RASSF9: variants seen among roughly 807,000 people sequenced by gnomAD.
The protein encoded by RASSF9 is Ras association domain family member 9.
Under a neutral mutation model 21.4 loss-of-function variants are expected in RASSF9, and 18 were observed. The observed-to-expected ratio is 0.84, with a 90% confidence interval of 0.58 to 1.25. The LOEUF (loss-of-function observed/expected upper bound fraction) is 1.25. Among genes scored for constraint, RASSF9 ranks in the 50% most tolerant of loss-of-function variants. The pLI is 0.00. For synonymous variants in RASSF9, 183 were observed against 179.1 expected (o/e 1.02, Z -0.18); for missense variants, 480 against 503.2 (o/e 0.95, Z 0.44).
chr12:85,814,322 G>T (rs537891739), intron 1 of RASSF9, among the ~76,000 whole-genome samples: 1 of 152,106 alleles, frequency 6.6e-6, no homozygotes, highest in South Asian at 2.1e-4. Flanking sequence ...TGGCACTGTT[G>T]ACACACCCTG....
chr12:85,828,789 C>T (rs1224386427), intron 1 of RASSF9, among the ~76,000 whole-genome samples: 1 of 152,096 alleles, frequency 6.6e-6, no homozygotes, highest in Non-Finnish European at 1.5e-5. Context: ...TAGTTTCCTG[C>T]ACTATTAACA....
At chr12:85,818,114 TAGTA>T (rs1235926423) in intron 1 of RASSF9, among the ~76,000 whole-genome samples, 1 of 152,184 alleles carries the variant, frequency 6.6e-6, no homozygotes, top group Non-Finnish European at 1.5e-5. Flanking sequence ...ACTTAAAAAA[TAGTA>T]AGATAACTAA....
chr12:85,814,913 A>C (rs1880027359), intron 1 of RASSF9, among the ~76,000 whole-genome samples: 1 of 152,076 alleles, frequency 6.6e-6, no homozygotes, highest in South Asian at 2.1e-4. Context: ...ATGACATGAC[A>C]TACTCAGAAT....
chr12:85,801,628 C>G lies in RASSF9; in HGVS notation c.*3074G>C, dbSNP rs547726772. 6.6e-6 allele frequency: 1 copy of G among 152,318 alleles called. No homozygotes were observed. The highest frequency in any genetic ancestry group is 1.9e-4 in the East Asian group (1 of 5,170). 9.4% of individuals were successfully genotyped at this position (152,318 alleles called of 1,614,324 possible). ...GACATCGAGACCATCCTGGCTAACA[C>G]GGTGAAACCCCGTCTCTACTAAAAA... is the stretch of plus-strand genomic sequence containing the variant. On this transcript the variant is annotated 3_prime_UTR_variant, in exon 2 of 2. Coordinates refer to ENST00000361228, the MANE Select transcript of RASSF9 (RefSeq NM_005447.4).
In RASSF9 at chr12:85,800,830, T is replaced by A. The variant is rs2136546150; in HGVS notation, c.*3872A>T. The A allele has an allele frequency of 6.6e-6, 1 of 151,998 alleles. No homozygotes were observed. Among genetic ancestry groups the A allele is most frequent in the East Asian group, 1.9e-4 (1 of 5,174 alleles). The allele number at this position is 151,998 out of a possible 1,614,324, so 9.4% of individuals were successfully genotyped here. Reference sequence around the variant, plus strand: ...GTATGAAAAGAAATAGCCTAGTATTTAAAAACTATATATCAGGATAAAATG... The same window carrying A: ...GTATGAAAAGAAATAGCCTAGTATTAAAAAACTATATATCAGGATAAAATG... On this transcript the variant is annotated 3_prime_UTR_variant, in exon 2 of 2. Coordinates refer to ENST00000361228, the MANE Select transcript of RASSF9 (RefSeq NM_005447.4).
At position 85,817,831 on chromosome 12, in the gene RASSF9, A is replaced by T. The variant is rs577107902; in HGVS notation, c.48-11869T>A. Among the ~76,000 whole-genome samples, 13 of 152,296 alleles carry T rather than the reference A, an allele frequency of 8.5e-5. No homozygotes were observed. The South Asian group carries it at 1.9e-3, about 22-fold the overall frequency. On this transcript the variant is annotated intron_variant, in intron 1 of 1. Transcript: ENST00000361228. ...CAAGACCACACTAAGCATTACTAGA[A>T]ATCATAAGATATGCTCTGTACAAAT...
intron 1 of RASSF9, among the ~76,000 whole-genome samples, chr12:85,814,347 C>T (rs1356869312): frequency 6.6e-6 from 1 of 151,934 alleles, no homozygotes; most frequent in African/African-American, 2.4e-5. Context: ...AGATTTAAAA[C>T]CAAACAGTAT....
At position 85,836,259 on chromosome 12, in the gene RASSF9, G is replaced by A; in HGVS notation, c.-58C>T. 4.2e-6 allele frequency: 5 copies of A among 1,189,644 alleles called. No homozygotes were observed. The highest frequency in any genetic ancestry group is 2.0e-5 in the Admixed American group (1 of 49,236). The allele number at this position is 1,189,644 out of a possible 1,614,324, so 73.7% of individuals were successfully genotyped here. A position where few individuals can be genotyped will look rare whatever the true frequency, so the allele number is the denominator to read the frequency against. On this transcript the variant is annotated 5_prime_UTR_variant, in exon 1 of 2. Coordinates refer to ENST00000361228, the MANE Select transcript of RASSF9 (RefSeq NM_005447.4). The stretch of plus-strand genomic sequence containing the variant: ...TTAAAGTGATCTGAGGGTGGGGGTG[G>A]GGGTGTCTGGATTTCCAGGGTGAAG...
chr12:85,817,102 A>G (rs759624272), intron 1 of RASSF9, among the ~76,000 whole-genome samples: 1 of 152,160 alleles, frequency 6.6e-6, no homozygotes, highest in Non-Finnish European at 1.5e-5. Context: ...GAAAGCATAT[A>G]ATACATTAAA....
rs1405812209 is a variant in RASSF9 at position 85,801,739 on chromosome 12, C to G, written c.*2963G>C. On this transcript the variant is annotated 3_prime_UTR_variant, in exon 2 of 2. Coordinates refer to ENST00000361228, the MANE Select transcript of RASSF9 (RefSeq NM_005447.4). ...CTGAGGCAGGAAAATGGCGTGAAGC[C>G]GGGAGGCGGAGCTTGCAGTGAGCCA... 5 of 152,162 alleles carry G rather than the reference C, an allele frequency of 3.3e-5. No individual in the cohort carries two copies. The highest frequency in any genetic ancestry group is 2.0e-4 in the Admixed American group (3 of 15,272). The allele number at this position is 152,162 out of a possible 1,614,324, so 9.4% of individuals were successfully genotyped here.
intron 1 of RASSF9, among the ~76,000 whole-genome samples, chr12:85,814,600 C>A (rs748414187): frequency 6.6e-6 from 1 of 151,888 alleles, no homozygotes; most frequent in African/African-American, 2.4e-5. Context: ...ACCCACCAAT[C>A]TCAAGTAGTC....
chr12:85,829,326 G>T (rs1225041920), intron 1 of RASSF9, among the ~76,000 whole-genome samples: 1 of 152,080 alleles, frequency 6.6e-6, no homozygotes, highest in East Asian at 1.9e-4. Context: ...TCATAAAATG[G>T]TAGAGTTACT....
intron 1 of RASSF9, among the ~76,000 whole-genome samples, chr12:85,824,950 CCTT>C (rs1880297941): frequency 6.6e-6 from 1 of 152,138 alleles, no homozygotes; most frequent in Admixed American, 6.6e-5. Flanking sequence ...AGTTCTCTGA[CCTT>C]CTCTGAATAA....
intron 1 of RASSF9, among the ~76,000 whole-genome samples, chr12:85,813,231 A>T (rs1263560199): frequency 6.6e-6 from 1 of 151,890 alleles, no homozygotes; most frequent in African/African-American, 2.4e-5. Flanking sequence ...ATTCATTCTG[A>T]AATATTAGTG....
chr12:85,805,779 G>A lies in RASSF9; in HGVS notation c.231C>T (p.Tyr77=), dbSNP rs1473804465. The change falls in exon 2 of 2, where the codon TAC becomes TAT. Residue 77 remains tyrosine (Y), a synonymous_variant. Transcript: ENST00000361228. The part of the protein sequence containing the change: ...KRFLLGKPSD[Y]CIIEKWRGSE... Reference sequence around the variant, plus strand: ...AGCCTCTCCACTTCTCTATGATGCAGTAATCACTGGGCTTCCCCAGAAGAA... The same window carrying A: ...AGCCTCTCCACTTCTCTATGATGCAATAATCACTGGGCTTCCCCAGAAGAA... 6.2e-7 allele frequency: 1 copy of A among 1,613,864 alleles called. No individual in the cohort carries two copies. Among genetic ancestry groups the A allele is most frequent in the Non-Finnish European group, 8.5e-7 (1 of 1,179,886 alleles).
chr12:85,811,748 G>A (rs1274093115), intron 1 of RASSF9, among the ~76,000 whole-genome samples: 4 of 151,146 alleles, frequency 2.6e-5, no homozygotes, highest in Non-Finnish European at 5.9e-5. Context: ...TAAATTATAT[G>A]GTCAGAAAGA....
chr12:85,815,333 T>C (rs1007144214), intron 1 of RASSF9, among the ~76,000 whole-genome samples: 15 of 152,156 alleles, frequency 9.9e-5, no homozygotes, highest in African/African-American at 3.6e-4. Context: ...GAATCTAATA[T>C]GGTCACAAAG....
At chr12:85,823,948 G>T (rs1299267058) in intron 1 of RASSF9, among the ~76,000 whole-genome samples, 1 of 152,132 alleles carries the variant, frequency 6.6e-6, no homozygotes, top group African/African-American at 2.4e-5. Context: ...TGATACAATT[G>T]GCATCCCCTA....
chr12:85,823,729 CA>C (rs1880267695), intron 1 of RASSF9, among the ~76,000 whole-genome samples: 3 of 152,224 alleles, frequency 2.0e-5, no homozygotes, highest in African/African-American at 7.2e-5. Flanking sequence ...AGCCTGAGTT[CA>C]AAGATTACAT....
Sources: allele counts gnomAD v4.1 joint callset (sites outside exome capture counted in the v4.1 genomes callset), GRCh38; gene constraint gnomAD v4.1.1; transcripts MANE v1.5; gene names NCBI Gene and HGNC (gene_info 2026-07-23, HGNC 2026-07-21).